Variants in DYNC1H1 observed in about 807,000 individuals in gnomAD.
DYNC1H1 encodes cytoplasmic dynein 1 heavy chain 1.
DYNC1H1 carries 51 observed loss-of-function variants against 527.1 expected under a neutral mutation model. The observed-to-expected ratio is 0.10, with a 90% CI of 0.08 to 0.12. DYNC1H1 has a LOEUF of 0.12. Ranked by LOEUF, DYNC1H1 falls within the 10% of genes least tolerant of loss-of-function variation. The pLI is 1.00. For synonymous variants in DYNC1H1, 2,189 were observed against 2,278.8 expected (o/e 0.96, Z 1.12); for missense variants, 2,771 against 5,971.8 (o/e 0.46, Z 17.66).
In DYNC1H1 at chr14:102,044,207, C is replaced by G; in HGVS notation, c.12685-67C>G. 8 of 1,599,868 alleles carry G rather than the reference C, an allele frequency of 5.0e-6. No individual in the cohort carries two copies. Among genetic ancestry groups the G allele is most frequent in the Non-Finnish European group, 6.8e-6 (8 of 1,174,118 alleles). ...GGGAGTGAGGAGGAAAGCTGTGCCC[C>G]TCGAAAGGAAGCCCCGGGCCTGCCC... On this transcript the variant is annotated intron_variant, in intron 70 of 77. Coordinates refer to ENST00000360184, the MANE Select transcript of DYNC1H1 (RefSeq NM_001376.5). The surrounding 1 kb of genome is among the most constrained non-coding windows in gnomAD (Gnocchi z 7.1).
At chr14:102,025,198 A>T (rs1038085321) in intron 43 of DYNC1H1, among the ~76,000 whole-genome samples, 1 of 151,804 alleles carries the variant, frequency 6.6e-6, no homozygotes, top group Non-Finnish European at 1.5e-5. Context: ...CGAGGTCAGG[A>T]GTTCAAGACC....
In DYNC1H1 at chr14:102,010,883, G is replaced by A. The variant is rs2048251272; in HGVS notation, c.6549G>A (p.Lys2183=). ...TGACTGCCCTTCGAGAGGAGCTGAA[G>A]AAAGTGTGTCAGGAGATGTATTTGA... is the stretch of plus-strand genomic sequence containing the variant. The part of the protein sequence containing the change: ...GEMTALREEL[K]KVCQEMYLTY... The change falls in exon 32 of 78, where the codon AAG becomes AAA. Residue 2183 remains lysine (K), a synonymous_variant. Coordinates refer to ENST00000360184, the MANE Select transcript of DYNC1H1 (RefSeq NM_001376.5). The surrounding 1 kb of genome is among the most constrained non-coding windows in gnomAD (Gnocchi z 6.0). The A allele has an allele frequency of 1.2e-6, 2 of 1,614,270 alleles. No individual in the cohort carries two copies. The highest frequency in any genetic ancestry group is 8.5e-7 in the Non-Finnish European group (1 of 1,180,052).
chr14:102,047,641 G>GTGTGTGTGTGTATGTATATATATATA, intron 72 of DYNC1H1, 176 bp from the exon 73 acceptor site: 1 of 228,540 alleles, frequency 4.4e-6, no homozygotes, highest in Non-Finnish European at 7.7e-6. Context: ...GTGTGTGTGT[G>GTGTGTGTGTGTATGTATATATATATA]TATATATATA....
At position 102,036,677 on chromosome 14, in the gene DYNC1H1, A is replaced by C. The variant is rs750262140; in HGVS notation, c.10908+35A>C. On this transcript the variant is annotated intron_variant, in intron 57 of 77. Coordinates refer to ENST00000360184, the MANE Select transcript of DYNC1H1 (RefSeq NM_001376.5). The surrounding 1 kb of genome is among the most constrained non-coding windows in gnomAD (Gnocchi z 5.6). ...GGCCTTTGAATTCTTGAAACACTGCATTCAAGAGTGAATTCCTTTTTGGGG... is the reference window on the plus strand; with the variant it reads ...GGCCTTTGAATTCTTGAAACACTGCCTTCAAGAGTGAATTCCTTTTTGGGG... 4.3e-6 allele frequency: 7 copies of C among 1,613,078 alleles called. No individual in the cohort carries two copies. Among genetic ancestry groups the C allele is most frequent in the East Asian group, 2.2e-5 (1 of 44,890 alleles).
At chr14:101,993,553 T>G (rs1455832935) in intron 11 of DYNC1H1, among the ~76,000 whole-genome samples, 1 of 152,182 alleles carries the variant, frequency 6.6e-6, no homozygotes, top group Non-Finnish European at 1.5e-5. Flanking sequence ...TTGCTGGTCC[T>G]CAAACATGCC....
chr14:102,018,633 T>G lies in DYNC1H1; in HGVS notation c.8343+17T>G, dbSNP rs1167962306. On this transcript the variant is annotated intron_variant, in intron 41 of 77. Transcript: ENST00000360184. This position sits in a 1 kb window ranked among gnomAD's most constrained non-coding sequence, Gnocchi z 5.2. ...ATGTCTCAGGTACGCAGAGTTTCTT[T>G]GCTCTTCCAGAAATTGTTTTCCTCT... 1 of 1,612,894 alleles carries G rather than the reference T, an allele frequency of 6.2e-7. No individual in the cohort carries two copies. The highest frequency in any genetic ancestry group is 8.5e-7 in the Non-Finnish European group (1 of 1,179,968).
In DYNC1H1 at chr14:102,008,345, A is replaced by G; in HGVS notation, c.5977+8A>G. The G allele has an allele frequency of 6.2e-7, 1 of 1,613,992 alleles. No individual in the cohort carries two copies. The highest frequency in any genetic ancestry group is 8.5e-7 in the Non-Finnish European group (1 of 1,179,968). ...ACCCCAACTACGACAAGAGTAAGAC[A>G]CCTCTTCTTCAAAAATTACTTAGAG... On this transcript the variant is annotated splice_region_variant and intron_variant, in intron 29 of 77. Coordinates refer to ENST00000360184, the MANE Select transcript of DYNC1H1 (RefSeq NM_001376.5).
intron 56 of DYNC1H1, chr14:102,035,008 A>T (rs2048556381): frequency 5.3e-6 from 1 of 189,632 alleles, no homozygotes; most frequent in African/African-American, 2.4e-5. Flanking sequence ...AGGTGGGCAG[A>T]TCACGAAGTC....
chr14:101,973,747 T>A (rs186761702), intron 1 of DYNC1H1, among the ~76,000 whole-genome samples: 1 of 152,170 alleles, frequency 6.6e-6, no homozygotes, highest in African/African-American at 2.4e-5. Context: ...AAGACTACAG[T>A]GAGGTGTGAT....
rs202004938 is a variant in DYNC1H1, at chr14:102,009,895, G to A, written c.6030G>A (p.Pro2010=). The A allele has an allele frequency of 2.7e-5, 44 of 1,613,976 alleles. No homozygotes were observed. The highest frequency in any genetic ancestry group is 1.9e-4 in the African/African-American group (14 of 74,970). ...ELLNKQVKVS[P]DMAIFITMNP... Reference sequence around the variant, plus strand: ...TGAACAAACAAGTCAAGGTGAGCCCGGACATGGCCATCTTCATCACCATGA... The same window carrying A: ...TGAACAAACAAGTCAAGGTGAGCCCAGACATGGCCATCTTCATCACCATGA... The change falls in exon 30 of 78, where the codon CCG becomes CCA. Residue 2010 remains proline (P), a synonymous_variant. Coordinates refer to ENST00000360184, the MANE Select transcript of DYNC1H1 (RefSeq NM_001376.5).
At position 102,012,843 on chromosome 14, in the gene DYNC1H1, T is replaced by C. The variant is rs746829427; in HGVS notation, c.7014+373T>C. On this transcript the variant is annotated intron_variant, in intron 34 of 77. Transcript: ENST00000360184. The surrounding 1 kb of genome is among the most constrained non-coding windows in gnomAD (Gnocchi z 4.9). ...TCTAGGCTGTCCCTTGGAAAATGAG[T>C]GCATGATGCAGGTGCCTGACAACAC... The C allele has an allele frequency of 2.8e-6, 1 of 353,676 alleles. No homozygotes were observed. Among genetic ancestry groups the C allele is most frequent in the Admixed American group, 4.1e-5 (1 of 24,572 alleles). The allele number at this position is 353,676 out of a possible 1,614,324, so 21.9% of individuals were successfully genotyped here.
intron 51 of DYNC1H1, among the ~76,000 whole-genome samples, chr14:102,031,723 G>A (rs1398735687): frequency 1.3e-5 from 2 of 152,166 alleles, no homozygotes; most frequent in African/African-American, 2.4e-5. Context: ...GGGAGGCAGG[G>A]GCGGGTGGAT....
chr14:102,042,240 G>T lies in DYNC1H1; in HGVS notation c.12227G>T (p.Gly4076Val), dbSNP rs1567022547. ...ITSIAIGSAE[G>V]FNQADKAINT... ...TTCCCTGCACCAGGCTCTGCAGAAG[G>T]CTTTAACCAAGCAGATAAGGCAATA... Residue 4076 changes from glycine (G) to valine (V), a missense_variant, in exon 67 of 78, where the codon GGC becomes GTC. By Grantham distance (109) the Gly-to-Val change is moderately radical. This residue lies in a region of DYNC1H1 where 195 missense variants were observed against 428.6 expected (regional missense o/e 0.45). Coordinates refer to ENST00000360184, the MANE Select transcript of DYNC1H1 (RefSeq NM_001376.5). This position sits in a 1 kb window ranked among gnomAD's most constrained non-coding sequence, Gnocchi z 5.7. 6.2e-7 allele frequency: 1 copy of T among 1,614,098 alleles called. No homozygotes were observed. Among genetic ancestry groups the T allele is most frequent in the Admixed American group, 1.7e-5 (1 of 60,004 alleles).
Position 102,022,505 on chromosome 14 carries a change from C to CA in DYNC1H1, c.8508-230dup, listed in dbSNP as rs559692888. Among the ~76,000 whole-genome samples the CA allele has an allele frequency of 0.044, 3,034 of 68,640 alleles. 52 individuals carry two copies. Among genetic ancestry groups the CA allele is most frequent in the Admixed American group, 0.091 (563 of 6,178 alleles). The allele number at this position is 68,640 out of a possible 152,430, so 45.0% of individuals were successfully genotyped here. ...TTGGCGACAGAGAGAGACTCCGTCT[C>CA]AAAAAAAAAAAAAAAAGTGAGACTC... On this transcript the variant is annotated intron_variant, in intron 42 of 77. Transcript: ENST00000360184.
chr14:102,030,450 C>A, intron 51 of DYNC1H1, 168 bp downstream of exon 51: 1 of 982,102 alleles, frequency 1.0e-6, no homozygotes, highest in Non-Finnish European at 1.5e-6. Context: ...TTGAGATTGT[C>A]TTCATCTCTC....
Position 101,964,841 on chromosome 14 carries a change from C to CGCGCTGGAGGCG in DYNC1H1, c.161_172dup (p.Ala54_Glu57dup), listed in dbSNP as rs768423968. 6.3e-7 allele frequency: 1 copy of CGCGCTGGAGGCG among 1,599,392 alleles called. No individual in the cohort carries two copies. Among genetic ancestry groups the CGCGCTGGAGGCG allele is most frequent in the Non-Finnish European group, 8.5e-7 (1 of 1,173,964 alleles). ...TGGAGGACGGCGGCGAGGCGCCGGCCGCGCTGGAGGCGGCGCTGGAGGAGA... is the reference window on the plus strand; with the variant it reads ...TGGAGGACGGCGGCGAGGCGCCGGCCGCGCTGGAGGCGGCGCTGGAGGCGGCGCTGGAGGAGA... On this transcript the variant is annotated inframe_insertion, in exon 1 of 78. Transcript: ENST00000360184. The surrounding 1 kb of genome is among the most constrained non-coding windows in gnomAD (Gnocchi z 5.5).
Position 102,033,456 on chromosome 14 carries a change from A to G in DYNC1H1, c.10385A>G (p.Lys3462Arg). 1.2e-6 allele frequency: 2 copies of G among 1,614,196 alleles called. No individual in the cohort carries two copies. Among genetic ancestry groups the G allele is most frequent in the East Asian group, 2.2e-5 (1 of 44,886 alleles). ...AVLISEAQAI[K>R]ADLAAVEAKV... ...CTGATCTCAGAGGCCCAGGCCATCA[A>G]GGCAGACCTGGCAGCTGTCGAGGCA... is the stretch of plus-strand genomic sequence containing the variant. The change falls in exon 54 of 78, where the codon AAG becomes AGG. Residue 3462 changes from lysine to arginine, a missense_variant. Coordinates refer to ENST00000360184, the MANE Select transcript of DYNC1H1 (RefSeq NM_001376.5). This position sits in a 1 kb window ranked among gnomAD's most constrained non-coding sequence, Gnocchi z 5.6.
chr14:101,983,423 T>C lies in DYNC1H1; in HGVS notation c.1275T>C (p.Asp425=). Residue 425 remains aspartate (D), a synonymous_variant, in exon 7 of 78, where the codon GAT becomes GAC. Transcript: ENST00000360184. The surrounding 1 kb of genome is among the most constrained non-coding windows in gnomAD (Gnocchi z 5.3). ...TTGAAGTTTTTCAGACTTGGGATGA[T>C]GAGTATGAGAAACTTCAGGTATTGT... is the stretch of plus-strand genomic sequence containing the variant. The part of the protein sequence containing the change: ...ACFEVFQTWD[D]EYEKLQVLLR... The C allele has an allele frequency of 6.2e-7, 1 of 1,614,184 alleles. No homozygotes were observed. Among genetic ancestry groups the C allele is most frequent in the Non-Finnish European group, 8.5e-7 (1 of 1,180,046 alleles).
At chr14:101,984,454 T>A (rs1487780889) in intron 7 of DYNC1H1, among the ~76,000 whole-genome samples, 2 of 123,536 alleles carry the variant, frequency 1.6e-5, no homozygotes, top group East Asian at 2.2e-4. Flanking sequence ...TATTATATTT[T>A]TTTTTTTTTT....
Sources: allele counts gnomAD v4.1 joint callset (sites outside exome capture counted in the v4.1 genomes callset), GRCh38; gene constraint gnomAD v4.1.1; regional missense constraint gnomAD v4.1.1; non-coding constraint Gnocchi (gnomAD v3.1); transcripts MANE v1.5; gene names NCBI Gene and HGNC (gene_info 2026-07-23, HGNC 2026-07-21).